EPHB2: variants seen among roughly 807,000 people sequenced by gnomAD.
EPHB2 encodes the protein EPH receptor B2, also known as ephrin type-B receptor 2.
EPHB2 carries 18 observed loss-of-function variants against 96.4 expected under a neutral mutation model. The ratio of observed to expected loss-of-function variants is 0.19; its 90% CI spans 0.13 to 0.28. EPHB2 has a LOEUF of 0.28. EPHB2 is among the 10% of genes least tolerant of loss of function. EPHB2 has a pLI of 1.00. For synonymous variants in EPHB2, 506 were observed against 534.1 expected (o/e 0.95, Z 0.72); for missense variants, 989 against 1,355.4 (o/e 0.73, Z 4.25).
At chr1:22,783,392 A>C (rs1644562438) in intron 2 of EPHB2, among the ~76,000 whole-genome samples, 1 of 152,168 alleles carries the variant, frequency 6.6e-6, no homozygotes, top group South Asian at 2.1e-4. Flanking sequence ...GGGGCACGGG[A>C]GAAGGACAGG....
At chr1:22,823,200 C>G (rs899348767) in intron 3 of EPHB2, among the ~76,000 whole-genome samples, 1 of 152,220 alleles carries the variant, frequency 6.6e-6, no homozygotes, top group African/African-American at 2.4e-5. Context: ...CCTCGCTCCT[C>G]TAAGTTTTGC....
chr1:22,867,330 T>C (rs762381251), intron 5 of EPHB2, among the ~76,000 whole-genome samples: 1 of 152,204 alleles, frequency 6.6e-6, no homozygotes, highest in Non-Finnish European at 1.5e-5. Context: ...CTGCAGGGCC[T>C]TGGGGACAGG....
rs1644584834 is a variant in EPHB2 at position 22,784,795 on chromosome 1, C to A, written c.530C>A (p.Ala177Asp). Residue 177 changes from alanine to aspartate, a missense_variant, in exon 3 of 16, where the codon GCC becomes GAC. Coordinates refer to ENST00000374630, the MANE Select transcript of EPHB2 (RefSeq NM_017449.5). This position sits in a 1 kb window ranked among gnomAD's most constrained non-coding sequence, Gnocchi z 5.1. Reference protein sequence around the residue: ...GPVSRSGFYLAFQDYGGCMSL... With the variant: ...GPVSRSGFYLDFQDYGGCMSL... ...GTGTCCCGCAGCGGCTTCTACCTGG[C>A]CTTCCAGGACTATGGCGGCTGCATG... 6.2e-7 allele frequency: 1 copy of A among 1,604,076 alleles called. No homozygotes were observed. The highest frequency in any genetic ancestry group is 1.3e-5 in the African/African-American group (1 of 74,852).
At chr1:22,859,502 T>C (rs987895254) in intron 3 of EPHB2, among the ~76,000 whole-genome samples, 3 of 152,086 alleles carry the variant, frequency 2.0e-5, no homozygotes, top group Non-Finnish European at 4.4e-5. Flanking sequence ...CCTATTTAAA[T>C]TGTACAAATA....
rs140364905 is a variant in EPHB2 at position 22,784,375 on chromosome 1, G to A, written c.127-17G>A. 175 of 1,613,692 alleles carry A rather than the reference G, an allele frequency of 1.1e-4. 1 individual carries two copies. In the African/African-American group the frequency reaches 2.1e-3, roughly 19 times the overall value. On this transcript the variant is annotated splice_polypyrimidine_tract_variant and intron_variant, in intron 2 of 15. Coordinates refer to ENST00000374630, the MANE Select transcript of EPHB2 (RefSeq NM_017449.5). This position sits in a 1 kb window ranked among gnomAD's most constrained non-coding sequence, Gnocchi z 5.1. ...CTGAGCCCTTACCTCCCCACCTGAC[G>A]AGCATTTTACCCACAGTGGGAAGAG...
intron 3 of EPHB2, among the ~76,000 whole-genome samples, chr1:22,851,285 A>G (rs778162761): frequency 7.2e-5 from 11 of 152,238 alleles, no homozygotes; most frequent in Non-Finnish European, 1.3e-4. Flanking sequence ...GGTGTGAGCC[A>G]CCGTGCCCAG....
chr1:22,897,128 G>T (rs548782445), intron 9 of EPHB2, among the ~76,000 whole-genome samples: 2 of 151,890 alleles, frequency 1.3e-5, no homozygotes, highest in Non-Finnish European at 2.9e-5. Flanking sequence ...TTCTCCCACC[G>T]TCCCATCCTA....
intron 1 of EPHB2, among the ~76,000 whole-genome samples, chr1:22,751,323 G>A (rs1644059732): frequency 6.6e-6 from 1 of 152,200 alleles, no homozygotes; most frequent in Non-Finnish European, 1.5e-5. Context: ...GGGGCGCCAG[G>A]TGGCAGGAGC....
At chr1:22,891,644 T>C (rs1639391453) in intron 6 of EPHB2, among the ~76,000 whole-genome samples, 1 of 152,214 alleles carries the variant, frequency 6.6e-6, no homozygotes, top group African/African-American at 2.4e-5. Context: ...TGTCCTGTCC[T>C]AGATTCCTTG....
chr1:22,859,321 GT>G, intron 3 of EPHB2, among the ~76,000 whole-genome samples: 1 of 150,860 alleles, frequency 6.6e-6, no homozygotes, highest in Non-Finnish European at 1.5e-5. Context: ...TTGTACCTAG[GT>G]GAGTGTGAGA....
rs74854234 is a variant in EPHB2, at chr1:22,739,609, C to T, written c.61+28566C>T. ...GAGCACATTTCTGAAGTGAACTACC[C>T]AGACCTAGCTCACCTGGACAGTCCA... On this transcript the variant is annotated intron_variant, in intron 1 of 15. Transcript: ENST00000374630. 3.7e-3 allele frequency among the ~76,000 whole-genome samples: 561 copies of T among 152,288 alleles called. 17 individuals are homozygous for T. In the East Asian group the frequency reaches 0.064, roughly 17 times the overall value.
intron 3 of EPHB2, among the ~76,000 whole-genome samples, chr1:22,815,799 G>A (rs533102567): frequency 2.0e-5 from 3 of 152,292 alleles, no homozygotes; most frequent in East Asian, 3.9e-4. Context: ...GAGGCAGTGT[G>A]GGGGTCTGGG....
At chr1:22,853,104 A>G (rs1042245274) in intron 3 of EPHB2, among the ~76,000 whole-genome samples, 1 of 152,228 alleles carries the variant, frequency 6.6e-6, no homozygotes, top group African/African-American at 2.4e-5. Context: ...TAATCCCAGC[A>G]CTTTGGGAGG....
intron 1 of EPHB2, among the ~76,000 whole-genome samples, chr1:22,715,448 C>A (rs1456020056): frequency 3.9e-5 from 6 of 152,120 alleles, no homozygotes; most frequent in Non-Finnish European, 5.9e-5. Flanking sequence ...AACCTCTACC[C>A]TACTGGGCCC....
At chr1:22,763,851 C>G (rs1021483988) in intron 1 of EPHB2, among the ~76,000 whole-genome samples, 2 of 152,116 alleles carry the variant, frequency 1.3e-5, no homozygotes, top group African/African-American at 2.4e-5. Flanking sequence ...ATGTCCTTGC[C>G]CTTTCTAGAG....
chr1:22,835,189 G>A (rs2148490761), intron 3 of EPHB2, among the ~76,000 whole-genome samples: 1 of 152,268 alleles, frequency 6.6e-6, no homozygotes, highest in South Asian at 2.1e-4. Flanking sequence ...AGACCAGCCT[G>A]GGTGACATGG....
chr1:22,809,263 G>T (rs1392951589), intron 3 of EPHB2, among the ~76,000 whole-genome samples: 1 of 152,142 alleles, frequency 6.6e-6, no homozygotes, highest in Non-Finnish European at 1.5e-5. Context: ...GCTGCTCCCC[G>T]GCAATTGGCA....
intron 1 of EPHB2, among the ~76,000 whole-genome samples, chr1:22,762,094 C>T (rs1174189165): frequency 2.0e-5 from 3 of 152,234 alleles, no homozygotes; most frequent in African/African-American, 4.8e-5. Context: ...CAGCCTGCCT[C>T]CCCCTCCTCC....
chr1:22,879,896 CAG>C (rs1270739719), intron 5 of EPHB2, among the ~76,000 whole-genome samples: 1 of 152,270 alleles, frequency 6.6e-6, no homozygotes, highest in Non-Finnish European at 1.5e-5. Flanking sequence ...GTAAAAGGAA[CAG>C]AGGCTCATCA....
Sources: allele counts gnomAD v4.1 joint callset (sites outside exome capture counted in the v4.1 genomes callset), GRCh38; gene constraint gnomAD v4.1.1; non-coding constraint Gnocchi (gnomAD v3.1); transcripts MANE v1.5; gene names NCBI Gene and HGNC (gene_info 2026-07-23, HGNC 2026-07-21).